The following CADPS2 variants were observed in gnomAD, a reference collection of about 807,000 sequenced individuals.
The protein encoded by CADPS2 is calcium-dependent secretion activator 2.
In CADPS2, 93 loss-of-function variants were observed where a neutral mutation model predicts 172.5. The observed-to-expected ratio is 0.54, with a 90% CI of 0.46 to 0.64. The LOEUF is 0.64. Ranked by LOEUF, CADPS2 falls within the 30% of genes least tolerant of loss-of-function variation. The pLI, the probability that CADPS2 is intolerant of heterozygous loss-of-function variation, is 0.00. For missense variants in CADPS2, 1,420 were observed against 1,565.9 expected (o/e 0.91, Z 1.57); for synonymous variants, 546 against 555.2 (o/e 0.98, Z 0.23).
At chr7:122,819,238 A>G (rs62482470) in intron 1 of CADPS2, among the ~76,000 whole-genome samples, 35,974 of 152,088 alleles carry the variant, frequency 0.24, 4,841 homozygotes, top group African/African-American at 0.36. Flanking sequence ...CCCGCAGCCC[A>G]GGATTCCTCC....
intron 6 of CADPS2, among the ~76,000 whole-genome samples, chr7:122,591,963 C>T (rs539605932): frequency 1.3e-5 from 2 of 151,988 alleles, no homozygotes; most frequent in East Asian, 3.9e-4. Flanking sequence ...AAAGCAATGG[C>T]AACAAAAGAC....
At chr7:122,851,163 G>T (rs1813479214) in intron 1 of CADPS2, among the ~76,000 whole-genome samples, 1 of 152,192 alleles carries the variant, frequency 6.6e-6, no homozygotes, top group African/African-American at 2.4e-5. Context: ...TCTTGCAGTA[G>T]GGAACAGGAG....
At chr7:122,335,261 T>A (rs2035666101) in intron 28 of CADPS2, among the ~76,000 whole-genome samples, 2 of 152,182 alleles carry the variant, frequency 1.3e-5, no homozygotes, top group Admixed American at 1.3e-4. Context: ...ATTGCCTATC[T>A]TTTTTTGAGA....
chr7:122,586,849 T>C (rs535941408), intron 6 of CADPS2, among the ~76,000 whole-genome samples: 1 of 152,156 alleles, frequency 6.6e-6, no homozygotes, highest in South Asian at 2.1e-4. Context: ...AAGAAAGTTA[T>C]GGTTAAACTC....
chr7:122,788,261 T>G (rs1794507768), intron 1 of CADPS2, among the ~76,000 whole-genome samples: 1 of 152,216 alleles, frequency 6.6e-6, no homozygotes, highest in Admixed American at 6.5e-5. Context: ...CACCAGAAAC[T>G]CTGCTGTTTG....
At chr7:122,835,748 G>C (rs1409234688) in intron 1 of CADPS2, among the ~76,000 whole-genome samples, 1 of 152,212 alleles carries the variant, frequency 6.6e-6, no homozygotes, top group Admixed American at 6.5e-5. Context: ...AAAAATAAAT[G>C]AACAAAGCCT....
chr7:122,863,895 T>G (rs1817607845), intron 1 of CADPS2, among the ~76,000 whole-genome samples: 1 of 152,152 alleles, frequency 6.6e-6, no homozygotes, highest in Non-Finnish European at 1.5e-5. Context: ...CTGGGCGTAG[T>G]GGCAGGTGCC....
intron 1 of CADPS2, chr7:122,850,238 CCT>C: frequency 9.8e-7 from 1 of 1,025,620 alleles, no homozygotes; most frequent in Non-Finnish European, 1.3e-6. Context: ...CCAGAGGCCC[CCT>C]GACCCAGCTC....
chr7:122,726,934 T>A (rs2091167250), intron 2 of CADPS2, among the ~76,000 whole-genome samples: 1 of 151,946 alleles, frequency 6.6e-6, no homozygotes. Context: ...CATTTAAAGT[T>A]AAAGAGCATT....
At chr7:122,484,192 A>G (rs1271744401) in intron 11 of CADPS2, among the ~76,000 whole-genome samples, 1 of 152,224 alleles carries the variant, frequency 6.6e-6, no homozygotes, top group Non-Finnish European at 1.5e-5. Context: ...AGAGAAATGC[A>G]AAGGACATAG....
intron 3 of CADPS2, among the ~76,000 whole-genome samples, chr7:122,645,481 ATTTAG>A (rs2078349461): frequency 3.9e-5 from 4 of 103,572 alleles, no homozygotes; most frequent in Admixed American, 1.1e-4. Flanking sequence ...ATGTATATAT[ATTTAG>A]CGTATATATA....
At chr7:122,425,129 C>T (rs1359161711) in intron 17 of CADPS2, among the ~76,000 whole-genome samples, 1 of 151,934 alleles carries the variant, frequency 6.6e-6, no homozygotes, top group Non-Finnish European at 1.5e-5. Flanking sequence ...TGGAGGAGTG[C>T]ACCACCACGC....
intron 3 of CADPS2, among the ~76,000 whole-genome samples, chr7:122,640,301 C>A (rs2077472826): frequency 6.6e-6 from 1 of 152,138 alleles, no homozygotes; most frequent in Admixed American, 6.6e-5. Context: ...CTCTTCTGCA[C>A]CCCCTCTCTT....
intron 29 of CADPS2, 29 bp from the exon 30 acceptor site, chr7:122,320,367 C>G (rs2032148649): frequency 2.6e-6 from 4 of 1,564,420 alleles, no homozygotes; most frequent in Non-Finnish European, 3.5e-6. Flanking sequence ...ATTTGCTTAG[C>G]TCACTTAGAT....
At chr7:122,749,835 A>G (rs774116787) in intron 1 of CADPS2, among the ~76,000 whole-genome samples, 6 of 152,016 alleles carry the variant, frequency 3.9e-5, no homozygotes, top group Non-Finnish European at 7.4e-5. Flanking sequence ...AAAACTGGAT[A>G]TCTACATTAG....
At chr7:122,405,176 T>C (rs1230207904) in intron 20 of CADPS2, among the ~76,000 whole-genome samples, 1 of 152,180 alleles carries the variant, frequency 6.6e-6, no homozygotes, top group African/African-American at 2.4e-5. Context: ...CTTATTCTCA[T>C]TTAGGGGACT....
At chr7:122,619,023 T>A (rs2133945154) in intron 5 of CADPS2, among the ~76,000 whole-genome samples, 1 of 152,276 alleles carries the variant, frequency 6.6e-6, no homozygotes, top group African/African-American at 2.4e-5. Flanking sequence ...AAAGTGAAGT[T>A]TTAGCTCATA....
At chr7:122,685,324 T>C (rs2083497474) in intron 2 of CADPS2, among the ~76,000 whole-genome samples, 1 of 152,234 alleles carries the variant, frequency 6.6e-6, no homozygotes, top group Non-Finnish European at 1.5e-5. Flanking sequence ...ATGCTCTCCC[T>C]GTAGCTGTCA....
At chr7:122,556,652 C>A (rs950983815) in intron 7 of CADPS2, among the ~76,000 whole-genome samples, 3 of 152,034 alleles carry the variant, frequency 2.0e-5, no homozygotes, top group African/African-American at 7.2e-5. Context: ...TATCGAATAC[C>A]ATTTTTTCTG....
Sources: allele counts gnomAD v4.1 joint callset (sites outside exome capture counted in the v4.1 genomes callset), GRCh38; gene constraint gnomAD v4.1.1; transcripts MANE v1.5; gene names NCBI Gene and HGNC (gene_info 2026-07-23, HGNC 2026-07-21).